CELF2: variants seen among roughly 807,000 people sequenced by gnomAD.
The protein encoded by CELF2 is CUGBP Elav-like family member 2.
A neutral mutation model predicts 62.6 loss-of-function variants in CELF2; 8 were observed. That is an observed-to-expected ratio of 0.13 (90% CI 0.07 to 0.23). The LOEUF is 0.23. Ranked by LOEUF, CELF2 falls within the 10% of genes least tolerant of loss-of-function variation. The pLI is 1.00. For synonymous variants in CELF2, 258 were observed against 250.0 expected (o/e 1.03, Z -0.30); for missense variants, 333 against 671.0 (o/e 0.50, Z 5.56).
At chr10:10,975,946 G>C (rs1431495905) in intron 2 of CELF2, among the ~76,000 whole-genome samples, 1 of 152,206 alleles carries the variant, frequency 6.6e-6, no homozygotes, top group Non-Finnish European at 1.5e-5. Context: ...GCAAATTAAG[G>C]GGTGGGTCAA....
At chr10:10,780,143 T>C in the CELF2 span, among the ~76,000 whole-genome samples, 86 of 152,314 alleles carry the variant, frequency 5.6e-4, no homozygotes, top group South Asian at 8.3e-4. Flanking sequence ...ACACTTTCTT[T>C]GAAAAAAGTA....
At chr10:10,508,196 TGCAATAG>T in the CELF2 span, among the ~76,000 whole-genome samples, 1 of 151,908 alleles carries the variant, frequency 6.6e-6, no homozygotes, top group Non-Finnish European at 1.5e-5. Flanking sequence ...TCATGCTCCT[TGCAATAG>T]GCAGTCAAAT....
chr10:11,219,457 C>G (rs1445546687), intron 3 of CELF2, among the ~76,000 whole-genome samples: 4 of 152,188 alleles, frequency 2.6e-5, no homozygotes, highest in Admixed American at 1.3e-4. Context: ...AATTTGGGAG[C>G]TGGAAAAGTT....
At chr10:10,560,409 C>T in the CELF2 span, among the ~76,000 whole-genome samples, 2 of 152,088 alleles carry the variant, frequency 1.3e-5, no homozygotes, top group African/African-American at 2.4e-5. Context: ...CTAATGTTTC[C>T]ATTGGAAAAT....
At position 10,957,514 on chromosome 10, in the gene CELF2, G is replaced by C. The variant is rs2049030727; in HGVS notation, c.89+37515G>C. Among the ~76,000 whole-genome samples the C allele has an allele frequency of 6.6e-6, 1 of 152,114 alleles. No homozygotes were observed. The highest frequency in any genetic ancestry group is 2.4e-5 in the African/African-American group (1 of 41,408). On this transcript the variant is annotated intron_variant, in intron 2 of 13. Transcript: ENST00000636488. This position sits in a 1 kb window ranked among gnomAD's most constrained non-coding sequence, Gnocchi z 4.1. Reference sequence around the variant, plus strand: ...CTTTAAACAACCGTCAGACCACCAGGCATTTGTTCCATCGATTGCTTCAGT... The same window carrying C: ...CTTTAAACAACCGTCAGACCACCAGCCATTTGTTCCATCGATTGCTTCAGT...
the CELF2 span, among the ~76,000 whole-genome samples, chr10:10,713,556 C>A: frequency 3.9e-5 from 6 of 152,234 alleles, no homozygotes; most frequent in Non-Finnish European, 2.9e-5. Flanking sequence ...TAATCACCTA[C>A]GACCCTTCGG....
chr10:10,852,307 CAG>C (rs772758233), intron 1 of CELF2, among the ~76,000 whole-genome samples: 2 of 152,154 alleles, frequency 1.3e-5, no homozygotes, highest in Non-Finnish European at 2.9e-5. Context: ...GGATGGATCT[CAG>C]GGGGATTATA....
At chr10:11,208,489 T>C (rs1476602053) in intron 2 of CELF2, among the ~76,000 whole-genome samples, 1 of 152,180 alleles carries the variant, frequency 6.6e-6, no homozygotes, top group East Asian at 1.9e-4. Flanking sequence ...GACGTAACGC[T>C]AACAGACTGA....
At chr10:11,113,559 G>T (rs573675884) in intron 1 of CELF2, among the ~76,000 whole-genome samples, 3 of 152,334 alleles carry the variant, frequency 2.0e-5, no homozygotes, top group Admixed American at 6.5e-5. Flanking sequence ...TGGAGAGAAG[G>T]TCTTCTATGT....
At chr10:10,811,477 G>T (rs1032347166) in intron 1 of CELF2, among the ~76,000 whole-genome samples, 1 of 152,170 alleles carries the variant, frequency 6.6e-6, no homozygotes, top group Non-Finnish European at 1.5e-5. Context: ...CTCCCACAGA[G>T]ATGGGGGGAG....
chr10:10,785,704 G>C, the CELF2 span, among the ~76,000 whole-genome samples: 1 of 152,132 alleles, frequency 6.6e-6, no homozygotes, highest in African/African-American at 2.4e-5. Flanking sequence ...GTAGAAGAAG[G>C]GTGGTTACTA....
chr10:10,674,717 C>A, the CELF2 span, among the ~76,000 whole-genome samples: 2 of 152,080 alleles, frequency 1.3e-5, no homozygotes, highest in Non-Finnish European at 2.9e-5. Context: ...TAGTGGTTGC[C>A]TTAGAGTCAT....
intron 11 of CELF2, among the ~76,000 whole-genome samples, chr10:11,325,220 G>GA (rs1232437098): frequency 6.6e-6 from 1 of 152,152 alleles, no homozygotes; most frequent in Non-Finnish European, 1.5e-5. Context: ...TAACGCCCAG[G>GA]AGAGTCATTC....
Position 11,332,818 on chromosome 10 carries a change from A to T in CELF2, c.*3765A>T, listed in dbSNP as rs1307518996. ...TCCTTACAATGACATGATTTGTATTATCCTCACATGTGTTTACTACTGCTG... is the reference window on the plus strand; with the variant it reads ...TCCTTACAATGACATGATTTGTATTTTCCTCACATGTGTTTACTACTGCTG... On this transcript the variant is annotated 3_prime_UTR_variant, in exon 13 of 13. Coordinates refer to ENST00000633077, the MANE Select transcript of CELF2 (RefSeq NM_001326342.2). 1 of 152,670 alleles carries T rather than the reference A, an allele frequency of 6.6e-6. No individual in the cohort carries two copies. The highest frequency in any genetic ancestry group is 2.4e-5 in the African/African-American group (1 of 41,456). The allele number at this position is 152,670 out of a possible 1,614,324, so 9.5% of individuals were successfully genotyped here.
At chr10:10,540,765 A>G in the CELF2 span, among the ~76,000 whole-genome samples, 1 of 152,170 alleles carries the variant, frequency 6.6e-6, no homozygotes, top group African/African-American at 2.4e-5. Flanking sequence ...AACCGTGTCC[A>G]CTGTGAACAT....
chr10:10,609,032 C>T, the CELF2 span, among the ~76,000 whole-genome samples: 47 of 152,302 alleles, frequency 3.1e-4, no homozygotes, highest in Non-Finnish European at 3.8e-4. Flanking sequence ...TCCTTGCAAA[C>T]GTAATCTTCT....
At chr10:11,101,128 T>G (rs1175525507) in intron 1 of CELF2, among the ~76,000 whole-genome samples, 1 of 152,180 alleles carries the variant, frequency 6.6e-6, no homozygotes, top group Non-Finnish European at 1.5e-5. Context: ...GATGATGGTA[T>G]AAATGATGAC....
chr10:10,478,796 C>T, the CELF2 span, among the ~76,000 whole-genome samples: 1 of 152,070 alleles, frequency 6.6e-6, no homozygotes, highest in Admixed American at 6.6e-5. Flanking sequence ...CTGTCTGGGA[C>T]AGTTTCAGTT....
intron 2 of CELF2, among the ~76,000 whole-genome samples, chr10:11,199,160 C>G (rs1015193931): frequency 5.3e-5 from 8 of 152,110 alleles, no homozygotes; most frequent in African/African-American, 1.9e-4. Flanking sequence ...TTATTAGAAC[C>G]CAAGACCATG....
Sources: gnomAD v4.1 joint callset for allele counts (sites outside exome capture counted in the v4.1 genomes callset) on GRCh38, gnomAD v4.1.1 for gene constraint, Gnocchi (gnomAD v3.1) non-coding constraint, MANE v1.5 for transcripts, NCBI Gene and HGNC (gene_info 2026-07-23, HGNC 2026-07-21) for gene names.